The following POMK variants were observed in gnomAD, a reference collection of about 807,000 sequenced individuals.
POMK encodes Sugen kinase 196.
In POMK, 19 loss-of-function variants were observed where a neutral mutation model predicts 23.0. The observed-to-expected ratio is 0.83, with a 90% confidence interval of 0.58 to 1.21. The LOEUF (loss-of-function observed/expected upper bound fraction) is 1.21. Among genes scored for constraint, POMK ranks in the 50% most tolerant of loss-of-function variants. The pLI, the probability that POMK is intolerant of heterozygous loss-of-function variation, is 0.00. For synonymous variants in POMK, 173 were observed against 171.6 expected, an observed-to-expected ratio of 1.01 and a Z score of -0.06; for missense variants, 410 against 431.3, an observed-to-expected ratio of 0.95 and a Z score of 0.44.
chr8:43,093,555 G>A lies in POMK; in HGVS notation c.-218G>A, dbSNP rs937516854. On this transcript the variant is annotated 5_prime_UTR_variant, in exon 1 of 5. Coordinates refer to ENST00000331373, the MANE Select transcript of POMK (RefSeq NM_032237.5). ...GGGGTGGCAGGAGCCGCAGAGGCTT[G>A]GGCTGCAGGTAGGTGCTGCGGCGAG... is the stretch of plus-strand genomic sequence containing the variant. 2 of 152,902 alleles carry A rather than the reference G, an allele frequency of 1.3e-5. No homozygotes were observed. The highest frequency in any genetic ancestry group is 3.8e-4 in the East Asian group (2 of 5,214). The allele number at this position is 152,902 out of a possible 1,614,324, so 9.5% of individuals were successfully genotyped here. A position where few individuals can be genotyped will look rare whatever the true frequency, so the allele number is the denominator to read the frequency against.
At chr8:43,113,534 A>G (rs1038924142) in intron 4 of POMK, among the ~76,000 whole-genome samples, 4 of 152,270 alleles carry the variant, frequency 2.6e-5, no homozygotes, top group Middle Eastern at 3.4e-3. Flanking sequence ...AAAGTTTTCA[A>G]CTTCTTTGCC....
At chr8:43,105,414 A>G (rs991009694) in intron 4 of POMK, among the ~76,000 whole-genome samples, 1 of 152,232 alleles carries the variant, frequency 6.6e-6, no homozygotes, top group African/African-American at 2.4e-5. Flanking sequence ...ACTTCTGCAT[A>G]TGAATGAGAA....
At chr8:43,095,796 A>G (rs1811322218) in intron 1 of POMK, among the ~76,000 whole-genome samples, 1 of 152,186 alleles carries the variant, frequency 6.6e-6, no homozygotes, top group South Asian at 2.1e-4. Flanking sequence ...CCCAACTTGT[A>G]TAAGCTTCAG....
chr8:43,107,780 A>C (rs1811573910), intron 4 of POMK, among the ~76,000 whole-genome samples: 1 of 152,032 alleles, frequency 6.6e-6, no homozygotes, highest in Non-Finnish European at 1.5e-5. Context: ...TCCCGGGTTC[A>C]AGCAATTCTT....
rs1811954537 is a variant in POMK, at chr8:43,122,949, A to T, written c.*72A>T. The T allele has an allele frequency of 2.1e-6, 3 of 1,401,398 alleles. No individual in the cohort carries two copies. Among genetic ancestry groups the T allele is most frequent in the Non-Finnish European group, 2.9e-6 (3 of 1,041,316 alleles). The allele number at this position is 1,401,398 out of a possible 1,614,324, so 86.8% of individuals were successfully genotyped here. ...TTACAGCATTCTACTCTGATGGTGG[A>T]GTTTTTTGCCTGAGTTTCGTGTTTT... On this transcript the variant is annotated 3_prime_UTR_variant, in exon 5 of 5. Transcript: ENST00000331373.
At chr8:43,122,038 A>G (rs1586680757) in intron 4 of POMK, 69 bp from the exon 5 acceptor site, 1 of 1,450,538 alleles carries the variant, frequency 6.9e-7, no homozygotes, top group Non-Finnish European at 9.5e-7. Context: ...CTTAAAAGAT[A>G]TTTGTTGTTC....
At chr8:43,104,503 T>G (rs898196195) in intron 4 of POMK, among the ~76,000 whole-genome samples, 2 of 152,168 alleles carry the variant, frequency 1.3e-5, no homozygotes, top group African/African-American at 4.8e-5. Context: ...TGATGGTCCA[T>G]CCACTTGACG....
chr8:43,119,587 C>A (rs1333435754), intron 4 of POMK, among the ~76,000 whole-genome samples: 1 of 151,934 alleles, frequency 6.6e-6, no homozygotes, highest in Non-Finnish European at 1.5e-5. Context: ...CGCGCGCCAC[C>A]ACGCCCAGCT....
chr8:43,119,726 C>T (rs780426470), intron 4 of POMK, among the ~76,000 whole-genome samples: 16 of 151,978 alleles, frequency 1.1e-4, no homozygotes, highest in Non-Finnish European at 1.9e-4. Context: ...CCACCGCGTC[C>T]GGCCCAAAAA....
chr8:43,094,402 C>A (rs1024803461), intron 1 of POMK, among the ~76,000 whole-genome samples: 4 of 152,180 alleles, frequency 2.6e-5, no homozygotes, highest in Non-Finnish European at 2.9e-5. Context: ...AACAAAAAAA[C>A]CAGAAAGGAC....
chr8:43,110,777 T>C (rs189254469), intron 4 of POMK, among the ~76,000 whole-genome samples: 1 of 152,194 alleles, frequency 6.6e-6, no homozygotes, highest in East Asian at 1.9e-4. Context: ...AGCCGGGCGT[T>C]GTGCTGGGTG....
At chr8:43,098,643 T>C (rs1811380586) in intron 2 of POMK, among the ~76,000 whole-genome samples, 1 of 152,206 alleles carries the variant, frequency 6.6e-6, no homozygotes, top group Admixed American at 6.5e-5. Flanking sequence ...GTGGAGTTGC[T>C]GGGTCGTGTG....
At chr8:43,114,200 C>T (rs1417643324) in intron 4 of POMK, among the ~76,000 whole-genome samples, 1 of 152,230 alleles carries the variant, frequency 6.6e-6, no homozygotes, top group Admixed American at 6.5e-5. Flanking sequence ...TTCTCTGTGC[C>T]CTGTCCCCAG....
intron 2 of POMK, among the ~76,000 whole-genome samples, chr8:43,099,034 T>G (rs548486795): frequency 1.4e-4 from 21 of 152,164 alleles, no homozygotes; most frequent in Non-Finnish European, 2.5e-4. Context: ...GCAGCCTTGG[T>G]CTCCTGGACT....
rs1811957459 is a variant in POMK at position 43,123,061 on chromosome 8, T to G, written c.*184T>G. ...GTAGTCCACATTGGTTGTTAGATTTTTTTTTTTTTCTTTGAGATGCGGTCT... is the reference window on the plus strand; with the variant it reads ...GTAGTCCACATTGGTTGTTAGATTTGTTTTTTTTTCTTTGAGATGCGGTCT... On this transcript the variant is annotated 3_prime_UTR_variant, in exon 5 of 5. Transcript: ENST00000331373. 1.7e-5 allele frequency: 10 copies of G among 591,732 alleles called. No individual in the cohort carries two copies. Among genetic ancestry groups the G allele is most frequent in the Non-Finnish European group, 2.9e-6 (1 of 341,274 alleles). 36.7% of individuals were successfully genotyped at this position (591,732 alleles called of 1,614,324 possible). A position where few individuals can be genotyped will look rare whatever the true frequency, so the allele number is the denominator to read the frequency against.
intron 2 of POMK, among the ~76,000 whole-genome samples, chr8:43,099,700 A>G (rs1207338913): frequency 6.6e-6 from 1 of 152,140 alleles, no homozygotes; most frequent in Non-Finnish European, 1.5e-5. Context: ...AGAGAATGAG[A>G]GGACAGAGCT....
At chr8:43,110,295 A>G (rs1811624166) in intron 4 of POMK, among the ~76,000 whole-genome samples, 1 of 152,238 alleles carries the variant, frequency 6.6e-6, no homozygotes, top group African/African-American at 2.4e-5. Flanking sequence ...ACGTACCAGG[A>G]GTGGAGCCTA....
chr8:43,103,579 G>A lies in POMK; in HGVS notation c.31G>A (p.Gly11Ser). MEKQPQNSRR[G>S]LAPREVPPAV... is the part of the protein sequence containing the mutation. Reference sequence around the variant, plus strand: ...AAAGCAGCCCCAGAACAGCAGGAGAGGCCTCGCCCCCCGAGAGGTGCCGCC... The same window carrying A: ...AAAGCAGCCCCAGAACAGCAGGAGAAGCCTCGCCCCCCGAGAGGTGCCGCC... Residue 11 changes from glycine to serine, a missense_variant, in exon 4 of 5, where the codon GGC (glycine) becomes AGC (serine). Transcript: ENST00000331373. The A allele has an allele frequency of 6.2e-7, 1 of 1,613,808 alleles. No individual in the cohort carries two copies. Among genetic ancestry groups the A allele is most frequent in the African/African-American group, 1.3e-5 (1 of 74,886 alleles).
chr8:43,103,903 A>G lies in POMK; in HGVS notation c.282+73A>G. 3.5e-6 allele frequency: 5 copies of G among 1,434,294 alleles called. No individual in the cohort carries two copies. The South Asian group carries it at 4.9e-5, about 14-fold the overall frequency. The allele number at this position is 1,434,294 out of a possible 1,614,324, so 88.8% of individuals were successfully genotyped here. On this transcript the variant is annotated intron_variant, in intron 4 of 4. Coordinates refer to ENST00000331373, the MANE Select transcript of POMK (RefSeq NM_032237.5). ...AACACAGTGTCCTCCAGCTCCATCC[A>G]TGCTGGCACGGATTACGGAATTTCA... is the stretch of plus-strand genomic sequence containing the variant.
Sources: allele counts gnomAD v4.1 joint callset (sites outside exome capture counted in the v4.1 genomes callset), GRCh38; gene constraint gnomAD v4.1.1; transcripts MANE v1.5; gene names NCBI Gene and HGNC (gene_info 2026-07-23, HGNC 2026-07-21).